The following RABGGTA variants were observed in gnomAD, a reference collection of about 807,000 sequenced individuals.
RABGGTA encodes the protein Rab geranylgeranyltransferase subunit alpha.
Under a neutral mutation model 83.3 loss-of-function variants are expected in RABGGTA, and 69 were observed. The observed-to-expected ratio is 0.83, with a 90% CI of 0.68 to 1.01. The LOEUF (loss-of-function observed/expected upper bound fraction) is 1.01, where lower values mean the gene tolerates loss of function less well. Among genes scored for constraint, RABGGTA ranks in the 50% least tolerant of loss-of-function variants. The pLI is 0.00. For synonymous variants in RABGGTA, 310 were observed against 299.8 expected (o/e 1.03, Z -0.35); for missense variants, 681 against 712.7 (o/e 0.96, Z 0.51).
chr14:24,268,877 C>G (rs750403065), intron 8 of RABGGTA, 34 bp downstream of exon 8: 29 of 1,572,150 alleles, frequency 1.8e-5, no homozygotes, highest in Non-Finnish European at 2.3e-5. Flanking sequence ...GCCCACAGTC[C>G]CACAGTGCTC....
In RABGGTA at chr14:24,269,617, T is replaced by C. The variant is rs1368658167; in HGVS notation, c.505A>G (p.Ser169Gly). Reference protein sequence around the residue: ...PPAEELAFTDSLITRNFSNYS... With the variant: ...PPAEELAFTDGLITRNFSNYS... The stretch of plus-strand genomic sequence containing the variant: ...TTGGAGAAGTTTCGGGTGATGAGGC[T>C]GTCAGTGAAGGCTAGCTCTTCTGCA... The change falls in exon 6 of 17, where the codon AGC (serine) becomes GGC (glycine). Residue 169 changes from serine (S) to glycine (G), a missense_variant. Ser to Gly is a moderately conservative substitution (Grantham distance 56, BLOSUM62 0). Around this residue, in one of 5 missense-constraint regions of RABGGTA, gnomAD observed 122 missense variants for 118.9 expected, o/e 1.03. Coordinates refer to ENST00000216840, the MANE Select transcript of RABGGTA (RefSeq NM_182836.3). 6.2e-7 allele frequency: 1 copy of C among 1,613,934 alleles called. No homozygotes were observed.
In RABGGTA at chr14:24,266,455, C is replaced by T; in HGVS notation, c.1530G>A (p.Leu510=). 1 of 1,614,018 alleles carries T rather than the reference C, an allele frequency of 6.2e-7. No individual in the cohort carries two copies. Among genetic ancestry groups the T allele is most frequent in the Non-Finnish European group, 8.5e-7 (1 of 1,179,894 alleles). Reference sequence around the variant, plus strand: ...GGTTGTTGCACAGTAGCAGCTCCTGCAGCCGGGGTAGGTTGGTGACGCCGT... The same window carrying T: ...GGTTGTTGCACAGTAGCAGCTCCTGTAGCCGGGGTAGGTTGGTGACGCCGT... ...SLDGVTNLPR[L]QELLLCNNRL... is the part of the protein sequence containing the mutation. Residue 510 remains leucine (L), a synonymous_variant, in exon 16 of 17, where the codon CTG becomes CTA. Coordinates refer to ENST00000216840, the MANE Select transcript of RABGGTA (RefSeq NM_182836.3).
At chr14:24,267,516 T>A (rs183095716) in intron 14 of RABGGTA, 144 bp downstream of exon 14, 80 of 650,086 alleles carry the variant, frequency 1.2e-4, no homozygotes, top group African/African-American at 1.2e-3. Flanking sequence ...CAGAAAGGCC[T>A]GGAAGAGGAG....
At position 24,270,142 on chromosome 14, in the gene RABGGTA, T is replaced by C. The variant is rs1213368984; in HGVS notation, c.240-2A>G. ...AGAGCAGCCAACTCTTCAGGAGACC[T>C]GTACCCAGAAGGGAAGGGGGGGGTC... On this transcript the variant is annotated splice_acceptor_variant, in intron 4 of 16. Coordinates refer to ENST00000216840, the MANE Select transcript of RABGGTA (RefSeq NM_182836.3). LOFTEE classifies it high-confidence loss of function. 2 of 1,601,774 alleles carry C rather than the reference T, an allele frequency of 1.2e-6. No individual in the cohort carries two copies. Among genetic ancestry groups the C allele is most frequent in the Non-Finnish European group, 1.7e-6 (2 of 1,174,818 alleles).
In RABGGTA at chr14:24,270,025, G is replaced by A. The variant is rs530609129; in HGVS notation, c.355C>T (p.Arg119Cys). Residue 119 changes from arginine (R) to cysteine (C), a missense_variant, in exon 5 of 17, where the codon CGC (arginine) becomes TGC (cysteine). By Grantham distance (180) the Arg-to-Cys change is radical. Around this residue, in one of 5 missense-constraint regions of RABGGTA, gnomAD observed 12 missense variants for 32.0 expected, o/e 0.37. Transcript: ENST00000216840. ...TWHHRCWLLG[R>C]LPEPNWTREL... ...CGGGTCCAGTTGGGCTCAGGCAGGCGGCCTAGCAGCCAGCATCGGTGGTGC... is the reference window on the plus strand; with the variant it reads ...CGGGTCCAGTTGGGCTCAGGCAGGCAGCCTAGCAGCCAGCATCGGTGGTGC... 41 of 1,613,486 alleles carry A rather than the reference G, an allele frequency of 2.5e-5. No homozygotes were observed. Among genetic ancestry groups the A allele is most frequent in the Middle Eastern group, 1.7e-4 (1 of 6,060 alleles).
chr14:24,266,931 A>T, intron 14 of RABGGTA, 42 bp from the exon 15 acceptor site: 4 of 1,439,776 alleles, frequency 2.8e-6, no homozygotes, highest in Non-Finnish European at 3.9e-6. Context: ...GCTTCCCAGG[A>T]GACCTGGGAG....
chr14:24,271,073 C>G (rs1289885925), intron 2 of RABGGTA, 40 bp downstream of exon 2: 2 of 1,568,032 alleles, frequency 1.3e-6, no homozygotes, highest in Admixed American at 1.8e-5. Flanking sequence ...GGTGAGGGCG[C>G]GGGCCTGCGG....
Position 24,268,387 on chromosome 14 carries a change from G to A in RABGGTA, c.1040C>T (p.Thr347Ile), listed in dbSNP as rs2040900276. Residue 347 changes from threonine (T) to isoleucine (I), a missense_variant, in exon 11 of 17, where the codon ACA (threonine) becomes ATA (isoleucine). Physicochemically the swap from Thr to Ile is moderately conservative, Grantham distance 89. Transcript: ENST00000216840. ...TCACCACCTGAATAGCTGCTCGTCT[G>A]TCGTGGAGTCCCGGCACCAGCCCTC... ...RQEGWCRDST[T>I]DEQLFRCELS... 6.2e-7 allele frequency: 1 copy of A among 1,613,284 alleles called. No individual in the cohort carries two copies. Among genetic ancestry groups the A allele is most frequent in the African/African-American group, 1.3e-5 (1 of 74,920 alleles).
In RABGGTA at chr14:24,266,808, G is replaced by A; in HGVS notation, c.1435C>T (p.Pro479Ser). 6.2e-7 allele frequency: 1 copy of A among 1,613,886 alleles called. No individual in the cohort carries two copies. The highest frequency in any genetic ancestry group is 8.5e-7 in the Non-Finnish European group (1 of 1,179,780). ...DLSHNRLRTL[P>S]PALAALRCLE... ...CAGCGCAGGGCAGCCAGTGCAGGTG[G>A]CAGGGTTCGGAGGCGATTGTGTGAC... Residue 479 changes from proline (P) to serine (S), a missense_variant, in exon 15 of 17, where the codon CCA becomes TCA. Transcript: ENST00000216840.
Position 24,266,521 on chromosome 14 carries a change from G to A in RABGGTA, c.1468-4C>T, listed in dbSNP as rs2040875699. 1 of 1,613,524 alleles carries A rather than the reference G, an allele frequency of 6.2e-7. No homozygotes were observed. Among genetic ancestry groups the A allele is most frequent in the Non-Finnish European group, 8.5e-7 (1 of 1,179,592 alleles). ...CATTATCACTGGCCTGCAGCACCTG[G>A]GGGCAGGGAGGGCAGGGAGGCAGGA... On this transcript the variant is annotated splice_region_variant and splice_polypyrimidine_tract_variant and intron_variant, in intron 15 of 16. Transcript: ENST00000216840.
Position 24,266,859 on chromosome 14 carries a change from G to A in RABGGTA, c.1384C>T (p.Leu462=), listed in dbSNP as rs2040880204. ...AAGTCAAGATGGGTGACCAAGAGCA[G>A]CTGTTCCAGATGGCAGAGCACTGTC... ...DLTVLCHLEQ[L]LLVTHLDLSH... The change falls in exon 15 of 17, where the codon CTG becomes TTG. Residue 462 remains leucine (L), a synonymous_variant. Coordinates refer to ENST00000216840, the MANE Select transcript of RABGGTA (RefSeq NM_182836.3). The A allele has an allele frequency of 6.2e-7, 1 of 1,613,846 alleles. No individual in the cohort carries two copies. Among genetic ancestry groups the A allele is most frequent in the African/African-American group, 1.3e-5 (1 of 74,928 alleles).
rs1294768862 is a variant in RABGGTA, at chr14:24,268,976, G to C, written c.733C>G (p.Leu245Val). The C allele has an allele frequency of 6.3e-7, 1 of 1,586,778 alleles. No homozygotes were observed. Among genetic ancestry groups the C allele is most frequent in the Admixed American group, 1.8e-5 (1 of 56,496 alleles). Residue 245 changes from leucine to valine, a missense_variant, in exon 8 of 17, where the codon CTG becomes GTG. By Grantham distance (32) the Leu-to-Val change is conservative (BLOSUM62 1). Around this residue, in one of 5 missense-constraint regions of RABGGTA, gnomAD observed 421 missense variants for 418.5 expected, o/e 1.01. Transcript: ENST00000216840. Reference sequence around the variant, plus strand: ...TCCCGGCTCACATGCAGGCAGCGCAGTGCATCCTGGGGGTCAGCTGCGGGG... The same window carrying C: ...TCCCGGCTCACATGCAGGCAGCGCACTGCATCCTGGGGGTCAGCTGCGGGG... Reference protein sequence around the residue: ...LLGRADPQDALRCLHVSRDEA... With the variant: ...LLGRADPQDAVRCLHVSRDEA...
Position 24,271,097 on chromosome 14 carries a change from G to C in RABGGTA, c.3+16C>G, listed in dbSNP as rs763456684. 6.4e-7 allele frequency: 1 copy of C among 1,559,612 alleles called. No individual in the cohort carries two copies. The highest frequency in any genetic ancestry group is 1.4e-5 in the African/African-American group (1 of 73,298). ...GCGGGCCTGCGGAGGTGAAGGGCTGGGCTCAGGGTTCTCACCATGGTGCCG... is the reference window on the plus strand; with the variant it reads ...GCGGGCCTGCGGAGGTGAAGGGCTGCGCTCAGGGTTCTCACCATGGTGCCG... On this transcript the variant is annotated intron_variant, in intron 2 of 16. Coordinates refer to ENST00000216840, the MANE Select transcript of RABGGTA (RefSeq NM_182836.3).
chr14:24,268,004 C>G (rs1399285751), intron 12 of RABGGTA, 46 bp from the exon 13 acceptor site: 3 of 1,602,144 alleles, frequency 1.9e-6, no homozygotes, highest in Non-Finnish European at 2.6e-6. Flanking sequence ...GGAACCTCCT[C>G]TGCTCCCATC....
rs1461893232 is a variant in RABGGTA at position 24,265,714 on chromosome 14, C to T, written c.1605G>A (p.Leu535=). 8.7e-6 allele frequency: 14 copies of T among 1,612,430 alleles called. No homozygotes were observed. The highest frequency in any genetic ancestry group is 1.2e-5 in the Non-Finnish European group (14 of 1,179,368). ...GGTTACCCTGCAGGTTGAGGAGGAC[C>T]AGCCTGGGGCAGGAGGCAAGAGGCT... is the stretch of plus-strand genomic sequence containing the variant. ...VLQPLASCPR[L]VLLNLQGNPL... Residue 535 remains leucine (L), a synonymous_variant, in exon 17 of 17, where the codon CTG becomes CTA. Transcript: ENST00000216840.
chr14:24,268,797 G>A lies in RABGGTA; in HGVS notation c.828C>T (p.Leu276=). Residue 276 remains leucine, a synonymous_variant, in exon 9 of 17, where the codon CTC becomes CTT. Transcript: ENST00000216840. ...LVGSRMEILL[L]MVDDSPLIVE... ...CAATCAGGGGAGAATCATCAACCATGAGCAGCAAGATCTCCATCCTGGAGC... is the reference window on the plus strand; with the variant it reads ...CAATCAGGGGAGAATCATCAACCATAAGCAGCAAGATCTCCATCCTGGAGC... 1 of 1,572,952 alleles carries A rather than the reference G, an allele frequency of 6.4e-7. No homozygotes were observed. Among genetic ancestry groups the A allele is most frequent in the South Asian group, 1.2e-5 (1 of 85,920 alleles).
intron 6 of RABGGTA, 123 bp downstream of exon 6, chr14:24,269,368 C>A: frequency 8.0e-7 from 1 of 1,249,918 alleles, no homozygotes; most frequent in South Asian, 1.4e-5. Flanking sequence ...TTAAGCACCC[C>A]TGGAGCCACG....
chr14:24,266,139 T>C (rs1399053855), intron 16 of RABGGTA, among the ~76,000 whole-genome samples: 1 of 152,210 alleles, frequency 6.6e-6, no homozygotes, highest in Non-Finnish European at 1.5e-5. Flanking sequence ...CTCTAGATGT[T>C]TTTTAAAGTA....
Position 24,270,367 on chromosome 14 carries a change from C to T in RABGGTA, c.206G>A (p.Arg69Gln). ...CTCCAGCTGCTGGAGCACCTCTCGT[C>T]GGCAGTTCCAGAGGGTGGCAAAATC... The part of the protein sequence containing the change: ...NPDFATLWNC[R>Q]REVLQQLETQ... The change falls in exon 4 of 17, where the codon CGA (arginine) becomes CAA (glutamine). Residue 69 changes from arginine (R) to glutamine (Q), a missense_variant. Transcript: ENST00000216840. The T allele has an allele frequency of 6.2e-6, 10 of 1,613,880 alleles. No homozygotes were observed. The highest frequency in any genetic ancestry group is 2.2e-5 in the South Asian group (2 of 91,042).
Sources: allele counts gnomAD v4.1 joint callset (sites outside exome capture counted in the v4.1 genomes callset), GRCh38; gene constraint gnomAD v4.1.1; regional missense constraint gnomAD v4.1.1; transcripts MANE v1.5; gene names NCBI Gene and HGNC (gene_info 2026-07-23, HGNC 2026-07-21).